The following TRAPPC3L variants were observed in gnomAD, a reference collection of about 807,000 sequenced individuals.
TRAPPC3L encodes the protein trafficking protein particle complex subunit 3L.
TRAPPC3L carries 23 observed loss-of-function variants against 23.7 expected under a neutral mutation model. The ratio of observed to expected loss-of-function variants is 0.97; its 90% CI spans 0.70 to 1.37. The LOEUF is 1.37. Ranked by LOEUF, TRAPPC3L falls within the 40% of genes most tolerant of loss-of-function variation. TRAPPC3L has a pLI of 0.00. For missense variants in TRAPPC3L, 212 were observed against 216.8 expected (o/e 0.98, Z 0.14); for synonymous variants, 81 against 77.9 (o/e 1.04, Z -0.21).
chr6:116,537,997 C>T (rs902761475), intron 3 of TRAPPC3L, among the ~76,000 whole-genome samples: 1 of 152,182 alleles, frequency 6.6e-6, no homozygotes, highest in African/African-American at 2.4e-5. Context: ...GAAAGTTTTA[C>T]ATGAGACTTC....
chr6:116,506,881 A>C (rs988753613), intron 3 of TRAPPC3L, among the ~76,000 whole-genome samples: 1 of 152,034 alleles, frequency 6.6e-6, no homozygotes, highest in African/African-American at 2.4e-5. Context: ...GGGCTGGGGG[A>C]GGGATAGCTT....
At position 116,497,043 on chromosome 6, in the gene TRAPPC3L, G is replaced by A; in HGVS notation, c.457C>T (p.Gln153Ter). ...ACACTGTCACCTTTTAGTCTGTCTT[G>A]CAAGAATGTAACATCAGCCGCCAAA... ...VHLAADVTFLQDRLKGDSVTE... is the reference protein window; with the variant it reads ...VHLAADVTFL Residue 153 changes from glutamine to a stop codon, truncating the protein, a stop_gained, in exon 5 of 5, where the codon CAA (glutamine) becomes TAA (stop). Transcript: ENST00000368602. LOFTEE classifies it high-confidence loss of function. 1 of 1,543,840 alleles carries A rather than the reference G, an allele frequency of 6.5e-7. No individual in the cohort carries two copies. The highest frequency in any genetic ancestry group is 8.7e-7 in the Non-Finnish European group (1 of 1,144,456).
intron 1 of TRAPPC3L, chr6:116,543,751 A>G: frequency 7.5e-7 from 1 of 1,329,360 alleles, no homozygotes; most frequent in Middle Eastern, 1.8e-4. Flanking sequence ...AATATATGCC[A>G]TCCATGTTTT....
intron 2 of TRAPPC3L, among the ~76,000 whole-genome samples, chr6:116,542,621 G>C (rs918332676): frequency 1.3e-5 from 2 of 152,054 alleles, no homozygotes; most frequent in Middle Eastern, 3.2e-3. Flanking sequence ...ATCATCTGAT[G>C]ATCACATAGT....
intron 3 of TRAPPC3L, among the ~76,000 whole-genome samples, chr6:116,532,366 A>G (rs1252049734): frequency 6.6e-6 from 1 of 152,056 alleles, no homozygotes; most frequent in Non-Finnish European, 1.5e-5. Flanking sequence ...CCTCCCTGAG[A>G]GAGGGAATTA....
At chr6:116,506,068 C>T (rs1269321469) in intron 3 of TRAPPC3L, among the ~76,000 whole-genome samples, 2 of 152,330 alleles carry the variant, frequency 1.3e-5, no homozygotes, top group South Asian at 2.1e-4. Flanking sequence ...CAACTATCAT[C>T]AGACTGAGCA....
chr6:116,505,291 C>A (rs1771983900), intron 3 of TRAPPC3L, among the ~76,000 whole-genome samples: 1 of 152,100 alleles, frequency 6.6e-6, no homozygotes, highest in African/African-American at 2.4e-5. Flanking sequence ...GAATAAAATA[C>A]CTAGGAATCC....
chr6:116,503,965 A>G (rs1377704189), intron 3 of TRAPPC3L, among the ~76,000 whole-genome samples: 1 of 152,222 alleles, frequency 6.6e-6, no homozygotes, highest in African/African-American at 2.4e-5. Context: ...TCAAAGAACT[A>G]GAGAAGCAAG....
rs34972589 is a variant in TRAPPC3L, at chr6:116,512,096, A to C, written c.241-11430T>G. 1,114 of 1,614,072 alleles carry C rather than the reference A, an allele frequency of 6.9e-4. 5 individuals carry two copies. The African/African-American group carries it at 0.013, about 19-fold the overall frequency. ...TGAATGTGCCATGAGCGGGACGAGA[A>C]GTTCAGGACTCCTGGAACTGATTTG... On this transcript the variant is annotated intron_variant, in intron 3 of 4. Transcript: ENST00000368602.
intron 3 of TRAPPC3L, among the ~76,000 whole-genome samples, chr6:116,534,661 C>T (rs1772960295): frequency 6.6e-6 from 1 of 152,184 alleles, no homozygotes; most frequent in African/African-American, 2.4e-5. Context: ...CTTAGATTTA[C>T]TTCCCTGCTT....
At chr6:116,541,681 A>G (rs1484353067) in intron 2 of TRAPPC3L, among the ~76,000 whole-genome samples, 3 of 152,220 alleles carry the variant, frequency 2.0e-5, no homozygotes, top group Non-Finnish European at 4.4e-5. Flanking sequence ...ACTTTTAACA[A>G]TCAAAATGTC....
In TRAPPC3L at chr6:116,535,264, C is replaced by T. The variant is rs1176009841; in HGVS notation, c.240+5099G>A. 2.0e-5 allele frequency among the ~76,000 whole-genome samples: 3 copies of T among 152,308 alleles called. No homozygotes were observed. In the South Asian group the frequency reaches 6.2e-4, roughly 32 times the overall value. On this transcript the variant is annotated intron_variant, in intron 3 of 4. Coordinates refer to ENST00000368602, the MANE Select transcript of TRAPPC3L (RefSeq NM_001139444.3). ...AATATGGAAACCAAAGTTTGGACAG[C>T]TTAAGCAACTTGCTTGGAGTCACAC...
At chr6:116,530,750 T>A (rs1230232621) in intron 3 of TRAPPC3L, among the ~76,000 whole-genome samples, 2 of 151,850 alleles carry the variant, frequency 1.3e-5, no homozygotes, top group Non-Finnish European at 2.9e-5. Flanking sequence ...AAGACAGTTT[T>A]GTCTACTTCA....
intron 3 of TRAPPC3L, among the ~76,000 whole-genome samples, chr6:116,507,937 A>T (rs2115160667): frequency 6.6e-6 from 1 of 152,340 alleles, no homozygotes; most frequent in Admixed American, 6.5e-5. Context: ...GACACTGCCA[A>T]GACCATGCTA....
At chr6:116,511,789 G>A in intron 3 of TRAPPC3L, 1 of 1,614,112 alleles carries the variant, frequency 6.2e-7, no homozygotes, top group Non-Finnish European at 8.5e-7. Flanking sequence ...TGGGAAGTGA[G>A]CGTCTCTTTT....
chr6:116,529,199 T>C (rs1219307790), intron 3 of TRAPPC3L: 1 of 152,246 alleles, frequency 6.6e-6, no homozygotes, highest in Non-Finnish European at 1.5e-5. Flanking sequence ...TGGTAAGGAA[T>C]GCCTGGGTTG....
intron 2 of TRAPPC3L, among the ~76,000 whole-genome samples, 174 bp from the exon 3 acceptor site, chr6:116,540,636 C>T (rs1355726379): frequency 6.6e-6 from 1 of 152,048 alleles, no homozygotes; most frequent in African/African-American, 2.4e-5. Context: ...CCACAGACCA[C>T]AAAGCAGAGA....
intron 3 of TRAPPC3L, chr6:116,515,870 TTCC>T (rs1772214385): frequency 1.9e-6 from 3 of 1,613,844 alleles, no homozygotes; most frequent in Non-Finnish European, 2.5e-6. Flanking sequence ...GCTGCATTCT[TTCC>T]ACCAAAGCCA....
chr6:116,519,399 CAA>C (rs1470378980), intron 3 of TRAPPC3L: 1 of 152,156 alleles, frequency 6.6e-6, no homozygotes, highest in Non-Finnish European at 1.5e-5. Flanking sequence ...CCATTGCAGC[CAA>C]GAGAGAGCAT....
Sources: gnomAD v4.1 joint callset for allele counts (sites outside exome capture counted in the v4.1 genomes callset) on GRCh38, gnomAD v4.1.1 for gene constraint, MANE v1.5 for transcripts, NCBI Gene and HGNC (gene_info 2026-07-23, HGNC 2026-07-21) for gene names.